DNAH6: variants seen among roughly 807,000 people sequenced by gnomAD.
DNAH6 encodes the protein dynein axonemal heavy chain 6, also known as axonemal beta dynein heavy chain 6.
Under a neutral mutation model 491.4 loss-of-function variants are expected in DNAH6, and 340 were observed. That is an observed-to-expected ratio of 0.69 (90% CI 0.63 to 0.76). DNAH6 has a LOEUF of 0.76. Ranked by LOEUF, DNAH6 falls within the 30% of genes least tolerant of loss-of-function variation. The probability of loss-of-function intolerance (pLI) is 0.00; values close to 1 mark genes in which losing one functional copy is unlikely to be tolerated. For missense variants in DNAH6, 4,443 were observed against 4,972.2 expected, an observed-to-expected ratio of 0.89 and a Z score of 3.20; for synonymous variants, 1,603 against 1,686.1, an observed-to-expected ratio of 0.95 and a Z score of 1.21.
intron 54 of DNAH6, among the ~76,000 whole-genome samples, chr2:84,708,178 C>G (rs562060770): frequency 3.3e-5 from 5 of 152,156 alleles, no homozygotes; most frequent in African/African-American, 4.8e-5. Context: ...TGGCTCATGC[C>G]TATAATCCCA....
chr2:84,677,006 A>ATGTAACAAT lies in DNAH6; in HGVS notation c.6615_6623dup (p.Val2206_Ile2208dup), dbSNP rs1693291986. 2 of 1,551,808 alleles carry ATGTAACAAT rather than the reference A, an allele frequency of 1.3e-6. No homozygotes were observed. The highest frequency in any genetic ancestry group is 2.7e-5 in the African/African-American group (2 of 73,180). On this transcript the variant is annotated inframe_insertion and splice_region_variant, in exon 41 of 77. Transcript: ENST00000389394. ...CCAAGTGGATTTCTCTGCACACAGG[A>ATGTAACAAT]TGTAACAATCATATCGGCATGTGCA...
chr2:84,566,857 T>G (rs898799137), intron 11 of DNAH6, among the ~76,000 whole-genome samples: 1 of 152,048 alleles, frequency 6.6e-6, no homozygotes, highest in East Asian at 1.9e-4. Context: ...ATAAAATATA[T>G]AGTATCTCAA....
At chr2:84,805,169 T>C (rs1399336759) in intron 70 of DNAH6, among the ~76,000 whole-genome samples, 1 of 152,168 alleles carries the variant, frequency 6.6e-6, no homozygotes, top group African/African-American at 2.4e-5. Context: ...AACAAAAAAA[T>C]TTTTAGTATA....
chr2:84,740,247 G>A (rs1672385369), intron 62 of DNAH6, among the ~76,000 whole-genome samples: 1 of 152,130 alleles, frequency 6.6e-6, no homozygotes. Context: ...CGTAATTCAG[G>A]ATGCAGTCTA....
chr2:84,694,278 G>A lies in DNAH6; in HGVS notation c.7322G>A (p.Gly2441Asp), dbSNP rs1196208595. The part of the protein sequence containing the change: ...RIARMIRQER[G>D]NALLVGVGGT... The stretch of plus-strand genomic sequence containing the variant: ...GCTCGGATGATACGTCAAGAAAGAG[G>A]CAATGCCCTGCTTGTTGGAGTAGGA... The change falls in exon 46 of 77, where the codon GGC becomes GAC. Residue 2441 changes from glycine to aspartate, a missense_variant. By Grantham distance (94) the Gly-to-Asp change is moderately conservative. This residue lies in a region of DNAH6 where 2,977 missense variants were observed against 3,296.6 expected (regional missense o/e 0.90). Transcript: ENST00000389394. 16 of 1,551,982 alleles carry A rather than the reference G, an allele frequency of 1.0e-5. No homozygotes were observed. Among genetic ancestry groups the A allele is most frequent in the Non-Finnish European group, 1.3e-5 (15 of 1,147,080 alleles).
At chr2:84,529,609 T>C (rs562601732) in intron 4 of DNAH6, among the ~76,000 whole-genome samples, 1 of 152,290 alleles carries the variant, frequency 6.6e-6, no homozygotes, top group African/African-American at 2.4e-5. Context: ...ATGAATAATA[T>C]CCACACACTT....
rs551475134 is a variant in DNAH6 at position 84,535,416 on chromosome 2, CA to C, written c.662+6253del. On this transcript the variant is annotated intron_variant, in intron 4 of 76. Transcript: ENST00000389394. ...TATCTTATTTGTATAAAAATGTTAT[CA>C]AATTAACCAGTGGTGTCAAACAAGT... Among the ~76,000 whole-genome samples, 166 of 151,950 alleles carry C rather than the reference CA, an allele frequency of 1.1e-3. 1 individual carries two copies. In the Middle Eastern group the frequency reaches 0.014, roughly 12 times the overall value.
intron 18 of DNAH6, 90 bp downstream of exon 18, chr2:84,595,879 TTAAG>T: frequency 7.6e-7 from 1 of 1,308,930 alleles, no homozygotes; most frequent in African/African-American, 1.5e-5. Flanking sequence ...TTTTCCCTGA[TTAAG>T]TTAGTCAGCT....
At chr2:84,584,672 A>T in intron 15 of DNAH6, 1 of 158,636 alleles carries the variant, frequency 6.3e-6, no homozygotes, top group South Asian at 1.8e-4. Context: ...TCTAGTCCTA[A>T]CTTGTATTTA....
chr2:84,701,310 C>G lies in DNAH6; in HGVS notation c.8032C>G (p.Leu2678Val). ...GCTTATCAATCTTTACCTGTCTATG[C>G]TGTCTGAAAAAAGGAAGCAGATTAT... ...LELINLYLSM[L>V]SEKRKQIISA... is the part of the protein sequence containing the mutation. Residue 2678 changes from leucine (L) to valine (V), a missense_variant, in exon 49 of 77, where the codon CTG (leucine) becomes GTG (valine). This residue lies in a region of DNAH6 where 2,977 missense variants were observed against 3,296.6 expected (regional missense o/e 0.90). Transcript: ENST00000389394. The G allele has an allele frequency of 1.9e-6, 3 of 1,550,416 alleles. No individual in the cohort carries two copies. Among genetic ancestry groups the G allele is most frequent in the Non-Finnish European group, 2.6e-6 (3 of 1,146,138 alleles).
At position 84,573,481 on chromosome 2, in the gene DNAH6, C is replaced by T. The variant is rs11891970; in HGVS notation, c.1818C>T (p.Ala606=). ...IISQIKETIQ[A]AFESARIYAA... ...ATAACATTTAGGAAACCATTCAGGC[C>T]GCATTTGAATCAGCCCGCATCTATG... Residue 606 remains alanine, a synonymous_variant, in exon 12 of 77, where the codon GCC becomes GCT. Transcript: ENST00000389394. The T allele has an allele frequency of 1.3e-6, 2 of 1,578,692 alleles. No homozygotes were observed. Among genetic ancestry groups the T allele is most frequent in the African/African-American group, 2.8e-5 (2 of 72,596 alleles).
At position 84,816,061 on chromosome 2, in the gene DNAH6, G is replaced by A; in HGVS notation, c.12351G>A (p.Arg4117=). The A allele has an allele frequency of 6.4e-7, 1 of 1,551,284 alleles. No individual in the cohort carries two copies. The highest frequency in any genetic ancestry group is 1.2e-5 in the South Asian group (1 of 84,026). Residue 4117 remains arginine (R), a synonymous_variant, in exon 76 of 77, where the codon CGG becomes CGA. Transcript: ENST00000389394. ...GCCCACTTTATAAAACAGGAGCCCG[G>A]GCAGGAACACTCTCAACCACAGGTG... The part of the protein sequence containing the change: ...YHCPLYKTGA[R]AGTLSTTGHS...
At chr2:84,512,407 C>A (rs1675370782), upstream of DNAH6, among the ~76,000 whole-genome samples, 1 of 152,142 alleles carries the variant, frequency 6.6e-6, no homozygotes, top group African/African-American at 2.4e-5. Context: ...TTCTCAATAA[C>A]TACCCTACTC....
intron 33 of DNAH6, 118 bp from the exon 34 acceptor site, chr2:84,653,201 T>C: frequency 1.1e-6 from 1 of 870,336 alleles, no homozygotes; most frequent in Non-Finnish European, 1.7e-6. Context: ...ACTGTACATG[T>C]CAGAAGAGAA....
Position 84,814,116 on chromosome 2 carries a change from C to T in DNAH6, c.12144C>T (p.Asp4048=). The part of the protein sequence containing the change: ...TVQFGQELPM[D]MELPSPEDGV... ...AATTTGGACAAGAACTGCCCATGGACATGGAGGTATTGTCCACCTGGCTGT... is the reference window on the plus strand; with the variant it reads ...AATTTGGACAAGAACTGCCCATGGATATGGAGGTATTGTCCACCTGGCTGT... The change falls in exon 75 of 77, where the codon GAC becomes GAT. Residue 4048 remains aspartate, a synonymous_variant. Transcript: ENST00000389394. 6.4e-7 allele frequency: 1 copy of T among 1,551,500 alleles called. No homozygotes were observed. The highest frequency in any genetic ancestry group is 8.7e-7 in the Non-Finnish European group (1 of 1,146,892).
intron 37 of DNAH6, among the ~76,000 whole-genome samples, chr2:84,666,122 A>T (rs541562135): frequency 5.3e-5 from 8 of 152,326 alleles, no homozygotes; most frequent in African/African-American, 1.4e-4. Context: ...ACAGCTATTT[A>T]TGACAAACCC....
intron 64 of DNAH6, among the ~76,000 whole-genome samples, chr2:84,774,589 G>T (rs1412138125): frequency 6.6e-6 from 1 of 151,732 alleles, no homozygotes; most frequent in East Asian, 1.9e-4. Context: ...GTTTTGCAGT[G>T]ATATGGGTAG....
At chr2:84,508,039 G>A in the DNAH6 span, among the ~76,000 whole-genome samples, 1 of 152,124 alleles carries the variant, frequency 6.6e-6, no homozygotes, top group Non-Finnish European at 1.5e-5. Flanking sequence ...TTTTTTGGTT[G>A]TGTCTCTGCC....
chr2:84,727,949 C>A (rs991597847), intron 61 of DNAH6, 47 bp downstream of exon 61: 1 of 1,207,062 alleles, frequency 8.3e-7, no homozygotes, highest in Non-Finnish European at 1.2e-6. Flanking sequence ...TTGGCTGTGT[C>A]CCCACCCAAA....
Sources: gnomAD v4.1 joint callset for allele counts (sites outside exome capture counted in the v4.1 genomes callset) on GRCh38, gnomAD v4.1.1 for gene constraint, gnomAD v4.1.1 regional missense constraint, MANE v1.5 for transcripts, NCBI Gene and HGNC (gene_info 2026-07-23, HGNC 2026-07-21) for gene names.